MDN1: variants seen among roughly 807,000 people sequenced by gnomAD.
MDN1 encodes the protein midasin.
A neutral mutation model predicts 669.2 loss-of-function variants in MDN1; 266 were observed. The ratio of observed to expected loss-of-function variants is 0.40; its 90% confidence interval spans 0.36 to 0.44. The LOEUF (loss-of-function observed/expected upper bound fraction) is 0.44. Among genes scored for constraint, MDN1 ranks in the 20% least tolerant of loss-of-function variants. The probability of loss-of-function intolerance (pLI) is 1.00; values close to 1 mark genes in which losing one functional copy is unlikely to be tolerated. For synonymous variants in MDN1, 2,385 were observed against 2,457.1 expected, an observed-to-expected ratio of 0.97 and a Z score of 0.87; for missense variants, 5,940 against 6,754.0, an observed-to-expected ratio of 0.88 and a Z score of 4.22.
intron 31 of MDN1, among the ~76,000 whole-genome samples, chr6:89,741,483 C>T (rs1350514631): frequency 3.3e-5 from 5 of 151,790 alleles, no homozygotes; most frequent in African/African-American, 1.2e-4. Flanking sequence ...AATAGCGCCC[C>T]CCCAAAACTA....
intron 2 of MDN1, among the ~76,000 whole-genome samples, chr6:89,801,772 C>T (rs1228807577): frequency 3.4e-5 from 5 of 148,866 alleles, no homozygotes; most frequent in African/African-American, 7.5e-5. Context: ...CCAGACTGGG[C>T]GACAAAGTCA....
intron 67 of MDN1, 129 bp from the exon 68 acceptor site, chr6:89,687,567 G>T: frequency 1.4e-6 from 1 of 702,782 alleles, no homozygotes; most frequent in South Asian, 1.9e-5. Flanking sequence ...ACCAATTGTA[G>T]GAATGAATTT....
intron 9 of MDN1, among the ~76,000 whole-genome samples, chr6:89,783,636 C>T (rs1030995178): frequency 6.6e-6 from 1 of 152,084 alleles, no homozygotes; most frequent in Non-Finnish European, 1.5e-5. Flanking sequence ...GTACCCACTC[C>T]CTGTTCTTAC....
chr6:89,662,350 G>T, intron 86 of MDN1, 111 bp from the exon 87 acceptor site: 1 of 1,118,890 alleles, frequency 8.9e-7, no homozygotes, highest in Non-Finnish European at 1.2e-6. Flanking sequence ...CTATCCCATG[G>T]ATGGCTGATA....
At chr6:89,718,732 T>A (rs766279235) in intron 42 of MDN1, 35 bp downstream of exon 42, 2 of 1,611,260 alleles carry the variant, frequency 1.2e-6, no homozygotes, top group Admixed American at 3.3e-5. Flanking sequence ...GGGTTTATTA[T>A]GCTTTGCCAG....
Position 89,686,061 on chromosome 6 carries a change from C to T in MDN1, c.11573-88G>A, listed in dbSNP as rs563368509. 18 of 1,311,734 alleles carry T rather than the reference C, an allele frequency of 1.4e-5. No individual in the cohort carries two copies. In the African/African-American group the frequency reaches 1.5e-4, roughly 11 times the overall value. 81.3% of individuals were successfully genotyped at this position (1,311,734 alleles called of 1,614,324 possible). A position where few individuals can be genotyped will look rare whatever the true frequency, so the allele number is the denominator to read the frequency against. ...TGCACGCAATCTATTTGGGATACTACGGATGGCCAAGAGGTAGACATCACA... is the reference window on the plus strand; with the variant it reads ...TGCACGCAATCTATTTGGGATACTATGGATGGCCAAGAGGTAGACATCACA... On this transcript the variant is annotated intron_variant, in intron 69 of 101. Coordinates refer to ENST00000369393, the MANE Select transcript of MDN1 (RefSeq NM_014611.3).
Position 89,678,761 on chromosome 6 carries a change from A to T in MDN1, c.12266-16T>A, listed in dbSNP as rs756512429. 5.6e-6 allele frequency: 9 copies of T among 1,603,210 alleles called. No homozygotes were observed. The South Asian group carries it at 6.7e-5, about 12-fold the overall frequency. ...ATCACTTCACCTGTAAGGGAAAACAAGGCGGGGAGGGGAGACAATAAGAAA... is the reference window on the plus strand; with the variant it reads ...ATCACTTCACCTGTAAGGGAAAACATGGCGGGGAGGGGAGACAATAAGAAA... On this transcript the variant is annotated splice_polypyrimidine_tract_variant and intron_variant, in intron 74 of 101. Transcript: ENST00000369393.
At position 89,732,829 on chromosome 6, in the gene MDN1, A is replaced by G. The variant is rs1452996842; in HGVS notation, c.4724-54T>C. ...GCTGTTAACGGGAGATCCCAGAACA[A>G]AAGTTCATAACCAGGGGCACACAAA... On this transcript the variant is annotated intron_variant, in intron 33 of 101. Coordinates refer to ENST00000369393, the MANE Select transcript of MDN1 (RefSeq NM_014611.3). The G allele has an allele frequency of 8.4e-6, 13 of 1,545,144 alleles. No homozygotes were observed. The East Asian group carries it at 2.3e-4, about 27-fold the overall frequency.
chr6:89,671,372 C>A (rs1183212402), intron 82 of MDN1, among the ~76,000 whole-genome samples: 2 of 152,196 alleles, frequency 1.3e-5, no homozygotes, highest in Non-Finnish European at 2.9e-5. Flanking sequence ...CAGTGGCTCA[C>A]GCCTTTAATC....
chr6:89,658,464 T>G, intron 89 of MDN1, 94 bp from the exon 90 acceptor site: 1 of 1,559,724 alleles, frequency 6.4e-7, no homozygotes, highest in African/African-American at 1.4e-5. Context: ...CACTCCTCAC[T>G]AAGGGTCTTA....
At chr6:89,646,506 A>G (rs1482882956) in intron 100 of MDN1, 34 bp downstream of exon 100, 4 of 1,599,764 alleles carry the variant, frequency 2.5e-6, no homozygotes, top group Non-Finnish European at 3.4e-6. Flanking sequence ...ACAAGAAAGC[A>G]TTTTGTTAAT....
intron 37 of MDN1, among the ~76,000 whole-genome samples, chr6:89,727,144 A>C (rs1815288920): frequency 6.6e-6 from 1 of 152,206 alleles, no homozygotes; most frequent in Admixed American, 6.5e-5. Context: ...AAAAGGCAGA[A>C]AGCAGCTCAG....
At chr6:89,748,326 A>T (rs1816770700) in intron 26 of MDN1, among the ~76,000 whole-genome samples, 1 of 152,244 alleles carries the variant, frequency 6.6e-6, no homozygotes, top group African/African-American at 2.4e-5. Context: ...CTCTGTCTCA[A>T]AAAACAAACA....
At chr6:89,751,733 T>C (rs1372725080) in intron 22 of MDN1, 151 bp from the exon 23 acceptor site, 6 of 881,326 alleles carry the variant, frequency 6.8e-6, no homozygotes, top group Non-Finnish European at 8.2e-6. Flanking sequence ...CATAAAATTA[T>C]GAGGAATGAG....
Position 89,743,056 on chromosome 6 carries a change from T to G in MDN1, c.4448+94A>C, listed in dbSNP as rs1816374271. 3.4e-6 allele frequency: 5 copies of G among 1,466,406 alleles called. No individual in the cohort carries two copies. In the Admixed American group the frequency reaches 1.0e-4, roughly 29 times the overall value. The allele number at this position is 1,466,406 out of a possible 1,614,324, so 90.8% of individuals were successfully genotyped here. A position where few individuals can be genotyped will look rare whatever the true frequency, so the allele number is the denominator to read the frequency against. ...ATGATCATGACACGGCACTGCAGCC[T>G]GGGGTGACAGAGTGAGAACACTGTC... On this transcript the variant is annotated intron_variant, in intron 31 of 101. Coordinates refer to ENST00000369393, the MANE Select transcript of MDN1 (RefSeq NM_014611.3).
intron 13 of MDN1, among the ~76,000 whole-genome samples, chr6:89,773,193 G>A (rs181012155): frequency 6.6e-6 from 1 of 152,068 alleles, no homozygotes; most frequent in African/African-American, 2.4e-5. Context: ...CATTAGGGTG[G>A]GTCTTAAATC....
chr6:89,645,300 G>A, intron 100 of MDN1, 143 bp from the exon 101 acceptor site: 1 of 849,680 alleles, frequency 1.2e-6, no homozygotes, highest in South Asian at 2.9e-5. Context: ...ATGAATTCTG[G>A]GCACAAACCT....
chr6:89,718,645 C>G lies in MDN1; in HGVS notation c.6322-18G>C. The G allele has an allele frequency of 6.2e-7, 1 of 1,611,968 alleles. No homozygotes were observed. ...AGATCAACCTGTAATTTCCAGAGGA[C>G]ATGAACTCATCATAGGGTCAGAGAA... On this transcript the variant is annotated intron_variant, in intron 42 of 101. Transcript: ENST00000369393.
intron 33 of MDN1, among the ~76,000 whole-genome samples, chr6:89,733,223 TTTTTTTC>T (rs1251672879): frequency 3.3e-5 from 5 of 152,116 alleles, no homozygotes; most frequent in Non-Finnish European, 7.4e-5. Flanking sequence ...TGCATTCAAG[TTTTTTTC>T]TTTTTTCTTT....
Sources: allele counts gnomAD v4.1 joint callset (sites outside exome capture counted in the v4.1 genomes callset), GRCh38; gene constraint gnomAD v4.1.1; transcripts MANE v1.5; gene names NCBI Gene and HGNC (gene_info 2026-07-23, HGNC 2026-07-21).